NLGN1: variants seen among roughly 807,000 people sequenced by gnomAD.
The protein encoded by NLGN1 is neuroligin 1, also known as neuroligin-1.
NLGN1 carries 12 observed loss-of-function variants against 65.5 expected under a neutral mutation model. The observed-to-expected ratio is 0.18, with a 90% confidence interval of 0.12 to 0.30. The LOEUF (loss-of-function observed/expected upper bound fraction) is 0.30, where lower values mean the gene tolerates loss of function less well. NLGN1 is among the 10% of genes least tolerant of loss of function. The pLI, the probability that NLGN1 is intolerant of heterozygous loss-of-function variation, is 1.00. For missense variants in NLGN1, 750 were observed against 1,007.1 expected (o/e 0.74, Z 3.46); for synonymous variants, 350 against 359.5 (o/e 0.97, Z 0.30).
At chr3:173,930,496 G>C (rs1743897106) in intron 4 of NLGN1, among the ~76,000 whole-genome samples, 1 of 152,080 alleles carries the variant, frequency 6.6e-6, no homozygotes, top group African/African-American at 2.4e-5. Context: ...TCATTAAACA[G>C]GGTTTCATTG....
intron 4 of NLGN1, among the ~76,000 whole-genome samples, chr3:174,065,672 A>C (rs1738378401): frequency 6.6e-6 from 1 of 152,014 alleles, no homozygotes; most frequent in African/African-American, 2.4e-5. Flanking sequence ...TAGTGAATAG[A>C]ATATGTTAAA....
At chr3:173,443,991 G>A (rs583695) in intron 2 of NLGN1, among the ~76,000 whole-genome samples, 119,562 of 152,126 alleles carry the variant, frequency 0.79, 48,165 homozygotes, top group East Asian at 0.97. Flanking sequence ...TAATTTGCTC[G>A]TCATTTTTGC....
chr3:173,621,229 G>A (rs961461303), intron 3 of NLGN1, among the ~76,000 whole-genome samples: 40 of 152,082 alleles, frequency 2.6e-4, no homozygotes, highest in African/African-American at 9.2e-4. Flanking sequence ...TCATAAAAAT[G>A]TAAGAACTCA....
At chr3:173,778,754 AT>A (rs916090409) in intron 3 of NLGN1, among the ~76,000 whole-genome samples, 22 of 151,794 alleles carry the variant, frequency 1.4e-4, no homozygotes, top group Admixed American at 3.9e-4. Flanking sequence ...CTGACAGTTG[AT>A]TTTTTTTCAG....
chr3:173,760,833 A>G (rs886596504), intron 3 of NLGN1, among the ~76,000 whole-genome samples: 4 of 152,066 alleles, frequency 2.6e-5, no homozygotes, highest in Non-Finnish European at 5.9e-5. Flanking sequence ...AATAAAAGCA[A>G]CTAAAATGTC....
At chr3:173,480,153 CT>C (rs1463078360) in intron 2 of NLGN1, among the ~76,000 whole-genome samples, 11 of 151,394 alleles carry the variant, frequency 7.3e-5, no homozygotes, top group Admixed American at 2.6e-4. Context: ...CTCTGGTCCT[CT>C]TTTTTTCCCC....
At chr3:174,116,219 C>T (rs1220322527) in intron 4 of NLGN1, among the ~76,000 whole-genome samples, 1 of 151,932 alleles carries the variant, frequency 6.6e-6, no homozygotes, top group African/African-American at 2.4e-5. Context: ...TGCTGTACAC[C>T]ACCACCATCA....
intron 3 of NLGN1, among the ~76,000 whole-genome samples, chr3:173,779,979 G>A (rs1780878931): frequency 6.6e-6 from 1 of 152,036 alleles, no homozygotes; most frequent in South Asian, 2.1e-4. Flanking sequence ...GTCTTTGCCA[G>A]AAAATGTTAT....
intron 4 of NLGN1, among the ~76,000 whole-genome samples, chr3:173,872,751 T>A (rs541308626): frequency 1.5e-4 from 23 of 152,328 alleles, no homozygotes; most frequent in Admixed American, 6.5e-4. Flanking sequence ...ATCTAGCTTT[T>A]CTAAATGTAG....
intron 4 of NLGN1, among the ~76,000 whole-genome samples, chr3:174,245,131 C>G (rs1308117983): frequency 6.6e-6 from 1 of 152,080 alleles, no homozygotes; most frequent in Non-Finnish European, 1.5e-5. Flanking sequence ...CCATTGTATG[C>G]TGCTGTTTTG....
At chr3:173,606,859 A>T (rs373122085) in intron 3 of NLGN1, among the ~76,000 whole-genome samples, 2 of 151,978 alleles carry the variant, frequency 1.3e-5, no homozygotes, top group African/African-American at 4.8e-5. Flanking sequence ...TGACTAAAAA[A>T]GTCTCTTTTT....
At chr3:174,083,534 A>C (rs1742661481) in intron 4 of NLGN1, among the ~76,000 whole-genome samples, 1 of 152,206 alleles carries the variant, frequency 6.6e-6, no homozygotes, top group South Asian at 2.1e-4. Flanking sequence ...AATTTAATTT[A>C]AAATACATAA....
chr3:174,142,288 A>G (rs566118396), intron 4 of NLGN1, among the ~76,000 whole-genome samples: 2 of 152,310 alleles, frequency 1.3e-5, no homozygotes, highest in East Asian at 3.9e-4. Context: ...AATTCACTAT[A>G]TGAATTCATC....
At chr3:173,431,282 C>T (rs922911618) in intron 1 of NLGN1, among the ~76,000 whole-genome samples, 14 of 152,078 alleles carry the variant, frequency 9.2e-5, no homozygotes, top group African/African-American at 2.4e-4. Flanking sequence ...GCCATTTCTC[C>T]GAGGATAATT....
intron 4 of NLGN1, among the ~76,000 whole-genome samples, chr3:174,233,906 A>G (rs1741182487): frequency 6.6e-6 from 1 of 152,212 alleles, no homozygotes; most frequent in African/African-American, 2.4e-5. Flanking sequence ...AGTATTTATT[A>G]CATACTAATT....
intron 4 of NLGN1, among the ~76,000 whole-genome samples, chr3:173,834,672 A>G (rs537257469): frequency 6.6e-6 from 1 of 152,304 alleles, no homozygotes; most frequent in South Asian, 2.1e-4. Context: ...CTCTTACACC[A>G]TGCAATCAAA....
At chr3:173,471,900 CTTTG>C (rs1429181544) in intron 2 of NLGN1, among the ~76,000 whole-genome samples, 1 of 152,096 alleles carries the variant, frequency 6.6e-6, no homozygotes, top group African/African-American at 2.4e-5. Flanking sequence ...TGAACCTGAA[CTTTG>C]CTGAAGCAGG....
intron 4 of NLGN1, among the ~76,000 whole-genome samples, chr3:174,101,326 G>T (rs925459697): frequency 2.0e-5 from 3 of 152,080 alleles, no homozygotes; most frequent in Non-Finnish European, 4.4e-5. Context: ...AGCATGAGAC[G>T]AAAAATTGTA....
At chr3:173,544,259 C>CGTGTGTGTGTGTGTGTGTGTGT (rs3980148) in intron 2 of NLGN1, among the ~76,000 whole-genome samples, 8 of 144,146 alleles carry the variant, frequency 5.5e-5, no homozygotes, top group African/African-American at 1.8e-4. Flanking sequence ...GATTATATTA[C>CGTGTGTGTGTGTGTGTGTGTGT]GTGTGTGTGT....
Sources: gnomAD v4.1 joint callset for allele counts (sites outside exome capture counted in the v4.1 genomes callset) on GRCh38, gnomAD v4.1.1 for gene constraint, MANE v1.5 for transcripts, NCBI Gene and HGNC (gene_info 2026-07-23, HGNC 2026-07-21) for gene names.